Variants in PTGER3 observed in about 807,000 individuals in gnomAD.
The protein encoded by PTGER3 is prostaglandin E receptor 3, also known as prostaglandin E2 receptor EP3 subtype.
A neutral mutation model predicts 34.7 loss-of-function variants in PTGER3; 22 were observed. The observed-to-expected ratio is 0.63, with a 90% CI of 0.45 to 0.91. The LOEUF (loss-of-function observed/expected upper bound fraction) is 0.91. Ranked by LOEUF, PTGER3 falls within the 40% of genes least tolerant of loss-of-function variation. PTGER3 has a pLI of 0.00. For synonymous variants in PTGER3, 241 were observed against 230.1 expected, an observed-to-expected ratio of 1.05 and a Z score of -0.43; for missense variants, 468 against 519.4, an observed-to-expected ratio of 0.90 and a Z score of 0.96.
intron 2 of PTGER3, among the ~76,000 whole-genome samples, chr1:70,981,872 A>T (rs977133227): frequency 8.4e-4 from 128 of 152,234 alleles, no homozygotes; most frequent in African/African-American, 3.0e-3. Context: ...GGTACCCATC[A>T]ATCAATTGAC....
chr1:71,039,251 C>T (rs1660080225), intron 1 of PTGER3, among the ~76,000 whole-genome samples: 1 of 151,894 alleles, frequency 6.6e-6, no homozygotes, highest in South Asian at 2.1e-4. Flanking sequence ...GAAATGGGAT[C>T]AGTGTGTTTT....
intron 2 of PTGER3, among the ~76,000 whole-genome samples, chr1:70,963,877 C>T (rs975421069): frequency 1.3e-5 from 2 of 152,164 alleles, no homozygotes; most frequent in African/African-American, 4.8e-5. Context: ...GGTCAGGCTG[C>T]AAATTTTCCA....
At chr1:70,927,408 C>G (rs921940213) in intron 4 of PTGER3, among the ~76,000 whole-genome samples, 1 of 152,064 alleles carries the variant, frequency 6.6e-6, no homozygotes, top group African/African-American at 2.4e-5. Flanking sequence ...AATTTTCTAG[C>G]TTGAACAACC....
At chr1:70,985,512 T>A (rs750211228) in intron 2 of PTGER3, among the ~76,000 whole-genome samples, 1 of 152,102 alleles carries the variant, frequency 6.6e-6, no homozygotes, top group Non-Finnish European at 1.5e-5. Context: ...TGACAAACTG[T>A]GTATGCCACC....
At chr1:70,945,733 C>A (rs911044149) in intron 4 of PTGER3, among the ~76,000 whole-genome samples, 1 of 152,024 alleles carries the variant, frequency 6.6e-6, no homozygotes, top group Non-Finnish European at 1.5e-5. Context: ...ATCAATAAAA[C>A]CTTTAACTTT....
chr1:71,007,972 A>G (rs1657113131), intron 2 of PTGER3: 2 of 985,100 alleles, frequency 2.0e-6, no homozygotes, highest in Admixed American at 6.2e-5. Flanking sequence ...CTCCCATAAT[A>G]AATTCTTCAA....
At chr1:70,990,661 A>G (rs1655390134) in intron 2 of PTGER3, among the ~76,000 whole-genome samples, 1 of 151,960 alleles carries the variant, frequency 6.6e-6, no homozygotes, top group Non-Finnish European at 1.5e-5. Flanking sequence ...TTATGTTTGT[A>G]GAGATCGGGT....
intron 4 of PTGER3, among the ~76,000 whole-genome samples, chr1:70,875,960 T>G (rs1371998194): frequency 2.6e-5 from 4 of 152,204 alleles, no homozygotes; most frequent in Non-Finnish European, 4.4e-5. Context: ...TACTCAATAA[T>G]GGGATTGCTG....
chr1:70,880,101 T>A (rs1225759503), intron 4 of PTGER3, among the ~76,000 whole-genome samples: 5 of 151,768 alleles, frequency 3.3e-5, no homozygotes, highest in East Asian at 1.9e-4. Flanking sequence ...AAAAAAAAAA[T>A]TGATATGTGT....
At chr1:71,019,559 T>C in intron 1 of PTGER3, among the ~76,000 whole-genome samples, 1 of 152,188 alleles carries the variant, frequency 6.6e-6, no homozygotes, top group East Asian at 1.9e-4. Flanking sequence ...TCAAGTACAA[T>C]TACCTTGTTC....
At chr1:70,961,699 T>G (rs1397099331) in intron 2 of PTGER3, among the ~76,000 whole-genome samples, 1 of 152,236 alleles carries the variant, frequency 6.6e-6, no homozygotes, top group Non-Finnish European at 1.5e-5. Flanking sequence ...GCTCTACAAG[T>G]TTTATTTCAA....
intron 4 of PTGER3, among the ~76,000 whole-genome samples, chr1:70,886,521 T>C (rs11804767): frequency 0.16 from 24,715 of 152,064 alleles, 4,252 homozygotes; most frequent in East Asian, 0.43. Context: ...AGGCTCACTT[T>C]CTCATTCATT....
At chr1:70,983,621 T>C (rs1181143289) in intron 2 of PTGER3, among the ~76,000 whole-genome samples, 1 of 152,158 alleles carries the variant, frequency 6.6e-6, no homozygotes, top group Non-Finnish European at 1.5e-5. Context: ...TAGAAGCTCT[T>C]TATATGTCAA....
intron 4 of PTGER3, among the ~76,000 whole-genome samples, chr1:70,924,425 A>G (rs1291713639): frequency 6.6e-6 from 1 of 152,124 alleles, no homozygotes; most frequent in African/African-American, 2.4e-5. Flanking sequence ...GTGTTTCTGT[A>G]ATTTAGGCTA....
At chr1:71,025,335 T>C (rs1431671718) in intron 1 of PTGER3, among the ~76,000 whole-genome samples, 2 of 151,948 alleles carry the variant, frequency 1.3e-5, no homozygotes, top group African/African-American at 4.8e-5. Context: ...GCTGGTAAGT[T>C]GGGGTTATAG....
chr1:71,011,962 A>G (rs893503889), intron 2 of PTGER3: 1 of 1,304,034 alleles, frequency 7.7e-7, no homozygotes, highest in Non-Finnish European at 9.7e-7. Context: ...TCATCACATA[A>G]TTAATCACAT....
intron 4 of PTGER3, among the ~76,000 whole-genome samples, chr1:70,918,816 A>G (rs1647276727): frequency 6.6e-6 from 1 of 152,064 alleles, no homozygotes; most frequent in Non-Finnish European, 1.5e-5. Context: ...TCTTGAAGCA[A>G]ATGATGATTG....
chr1:71,026,608 T>TTCTA (rs1396406013), intron 1 of PTGER3, among the ~76,000 whole-genome samples: 1 of 151,560 alleles, frequency 6.6e-6, no homozygotes, highest in African/African-American at 2.4e-5. Flanking sequence ...CTTTTGTCTC[T>TTCTA]TCTATTGATT....
chr1:70,970,585 T>C (rs113152866), downstream of PTGER3, among the ~76,000 whole-genome samples: 1 of 152,076 alleles, frequency 6.6e-6, no homozygotes, highest in African/African-American at 2.4e-5. Context: ...CTTCCCAAGA[T>C]GTCCTATAGG....
Sources: gnomAD v4.1 joint callset for allele counts (sites outside exome capture counted in the v4.1 genomes callset) on GRCh38, gnomAD v4.1.1 for gene constraint, MANE v1.5 for transcripts, NCBI Gene and HGNC (gene_info 2026-07-23, HGNC 2026-07-21) for gene names.